Variants in TRAF3 observed in about 807,000 individuals in gnomAD.
TRAF3 encodes the protein TNF receptor associated factor 3.
In TRAF3, 13 loss-of-function variants were observed where a neutral mutation model predicts 62.3. The ratio of observed to expected loss-of-function variants is 0.21; its 90% CI spans 0.14 to 0.33. TRAF3 has a LOEUF of 0.33. TRAF3 is among the 10% of genes least tolerant of loss of function. The pLI is 1.00. For synonymous variants in TRAF3, 269 were observed against 283.4 expected, an observed-to-expected ratio of 0.95 and a Z score of 0.51; for missense variants, 440 against 741.8, an observed-to-expected ratio of 0.59 and a Z score of 4.73.
chr14:102,808,849 G>A (rs776070204), intron 1 of TRAF3, among the ~76,000 whole-genome samples: 158 of 151,334 alleles, frequency 1.0e-3, no homozygotes, highest in Admixed American at 5.9e-4. Context: ...ACAGTCTTAC[G>A]CTGTTGCCCA....
intron 2 of TRAF3, among the ~76,000 whole-genome samples, chr14:102,844,139 A>G (rs966591863): frequency 3.9e-5 from 6 of 151,922 alleles, no homozygotes; most frequent in Admixed American, 2.0e-4. Flanking sequence ...GTGTAAACAC[A>G]TACATATGTT....
intron 1 of TRAF3, among the ~76,000 whole-genome samples, chr14:102,819,871 C>A (rs77089900): frequency 0.016 from 2,410 of 152,346 alleles, 25 homozygotes; most frequent in Non-Finnish European, 0.025. Flanking sequence ...GGGCATACCG[C>A]CAAGTGAGTT....
intron 1 of TRAF3, among the ~76,000 whole-genome samples, chr14:102,788,539 C>G (rs1035495095): frequency 1.9e-4 from 29 of 152,222 alleles, no homozygotes; most frequent in African/African-American, 6.3e-4. Context: ...GTGTCTCACG[C>G]CTGTAATCCC....
intron 2 of TRAF3, among the ~76,000 whole-genome samples, chr14:102,859,903 T>A (rs564989662): frequency 1.3e-5 from 2 of 152,288 alleles, no homozygotes; most frequent in South Asian, 4.1e-4. Context: ...GCAGGCACAA[T>A]TGGAAGGCAA....
chr14:102,890,010 G>A (rs939397774), intron 8 of TRAF3, among the ~76,000 whole-genome samples: 4 of 152,232 alleles, frequency 2.6e-5, no homozygotes, highest in African/African-American at 7.2e-5. Context: ...TTTCAACAGC[G>A]TGTGTGTCAG....
chr14:102,891,286 G>T (rs913472625), intron 8 of TRAF3, 39 bp from the exon 9 acceptor site: 2 of 1,591,166 alleles, frequency 1.3e-6, no homozygotes, highest in African/African-American at 2.7e-5. Flanking sequence ...TTGAAATGCA[G>T]CGAGGTTCGC....
chr14:102,856,849 A>G (rs1486660796), intron 2 of TRAF3, among the ~76,000 whole-genome samples: 1 of 152,192 alleles, frequency 6.6e-6, no homozygotes, highest in Admixed American at 6.5e-5. Context: ...GGTCTCTTGT[A>G]TTCAGGGTAG....
intron 2 of TRAF3, among the ~76,000 whole-genome samples, chr14:102,853,294 C>T (rs1887157313): frequency 6.6e-6 from 1 of 152,014 alleles, no homozygotes; most frequent in African/African-American, 2.4e-5. Context: ...GCCTTGACCT[C>T]CCAAAGTGCT....
rs769860474 is a variant in TRAF3 at position 102,891,376 on chromosome 14, G to A, written c.778G>A (p.Val260Ile). The change falls in exon 9 of 12, where the codon GTC becomes ATC. Residue 260 changes from valine (V) to isoleucine (I), a missense_variant. By Grantham distance (29) the Val-to-Ile change is conservative (BLOSUM62 3). Transcript: ENST00000392745. ...AHEASSAVQH[V>I]NLLKEWSNSL... ...CGAGGCCAGCTCCGCCGTGCAGCAC[G>A]TCAACCTGCTGAAGGAGTGGAGCAA... The A allele has an allele frequency of 2.5e-6, 4 of 1,613,422 alleles. No homozygotes were observed. The highest frequency in any genetic ancestry group is 1.1e-5 in the South Asian group (1 of 90,916).
At chr14:102,878,356 G>C (rs555867704) in intron 6 of TRAF3, among the ~76,000 whole-genome samples, 17 of 147,532 alleles carry the variant, frequency 1.2e-4, no homozygotes, top group Non-Finnish European at 2.4e-4. Context: ...GGGTGAGTGT[G>C]TGGGGGTAAG....
chr14:102,822,180 T>G (rs1781486469), intron 1 of TRAF3, among the ~76,000 whole-genome samples: 1 of 152,218 alleles, frequency 6.6e-6, no homozygotes, highest in Admixed American at 6.5e-5. Context: ...AAATGTTAAA[T>G]GGATGCAACA....
intron 1 of TRAF3, among the ~76,000 whole-genome samples, chr14:102,814,468 G>T (rs1464796546): frequency 6.6e-6 from 1 of 152,104 alleles, no homozygotes; most frequent in African/African-American, 2.4e-5. Context: ...TTCTATTTCT[G>T]TGAACAATGT....
At chr14:102,796,626 AG>A (rs1898104772) in intron 1 of TRAF3, among the ~76,000 whole-genome samples, 1 of 152,200 alleles carries the variant, frequency 6.6e-6, no homozygotes, top group Non-Finnish European at 1.5e-5. Flanking sequence ...TTGTGAGAGC[AG>A]GGGAAAAACA....
At chr14:102,798,833 A>T (rs1238621329) in intron 1 of TRAF3, among the ~76,000 whole-genome samples, 1 of 152,188 alleles carries the variant, frequency 6.6e-6, no homozygotes, top group Non-Finnish European at 1.5e-5. Context: ...GTGCTAGGTA[A>T]ATGCATAAAA....
In TRAF3 at chr14:102,845,273, G is replaced by A. The variant is rs944083902; in HGVS notation, c.-18+14801G>A. ...GCTGGAGTACAGTGGTGCAATCTTG[G>A]CTCACTGCAAGCTCTGCCTCCCGGG... is the stretch of plus-strand genomic sequence containing the variant. On this transcript the variant is annotated intron_variant, in intron 2 of 11. Transcript: ENST00000392745. Among the ~76,000 whole-genome samples the A allele has an allele frequency of 4.0e-5, 6 of 151,730 alleles. No individual in the cohort carries two copies. In the East Asian group the frequency reaches 7.7e-4, roughly 20 times the overall value.
At chr14:102,800,408 G>C (rs1898323719) in intron 1 of TRAF3, among the ~76,000 whole-genome samples, 1 of 152,106 alleles carries the variant, frequency 6.6e-6, no homozygotes, top group Non-Finnish European at 1.5e-5. Context: ...AGAGAGTCGG[G>C]GTTCATACCT....
At position 102,820,479 on chromosome 14, in the gene TRAF3, G is replaced by A. The variant is rs544707404; in HGVS notation, c.-156-9855G>A. ...TTTTCTGACTTTTTAAATATAATGA[G>A]TATAGTTTTATTTTAATGTTTTTCA... On this transcript the variant is annotated intron_variant, in intron 1 of 11. Transcript: ENST00000392745. Among the ~76,000 whole-genome samples the A allele has an allele frequency of 2.0e-5, 3 of 149,050 alleles. No homozygotes were observed. The Admixed American group carries it at 2.0e-4, about 10-fold the overall frequency.
rs924921989 is a variant in TRAF3 at position 102,877,280 on chromosome 14, T to C, written c.570+755T>C. 4.8e-5 allele frequency among the ~76,000 whole-genome samples: 7 copies of C among 145,370 alleles called. 1 individual carries two copies. Among genetic ancestry groups the C allele is most frequent in the Admixed American group, 4.8e-4 (7 of 14,644 alleles). ...TTCCACAGGCCTTCCGCTCAGCTCA[T>C]AGATAATCCATTCCACAGGCCTTCC... On this transcript the variant is annotated intron_variant, in intron 6 of 11. Coordinates refer to ENST00000392745, the MANE Select transcript of TRAF3 (RefSeq NM_145725.3).
intron 9 of TRAF3, among the ~76,000 whole-genome samples, chr14:102,894,291 C>A (rs1889887051): frequency 6.6e-6 from 1 of 152,214 alleles, no homozygotes; most frequent in South Asian, 2.1e-4. Flanking sequence ...CATGCCACTG[C>A]ATTCCAGCCT....
Sources: gnomAD v4.1 joint callset for allele counts (sites outside exome capture counted in the v4.1 genomes callset) on GRCh38, gnomAD v4.1.1 for gene constraint, MANE v1.5 for transcripts, NCBI Gene and HGNC (gene_info 2026-07-23, HGNC 2026-07-21) for gene names.